ASIP: variants seen among roughly 807,000 people sequenced by gnomAD.
The protein encoded by ASIP is agouti signaling protein, also known as agouti-signaling protein.
ASIP carries 11 observed loss-of-function variants against 10.3 expected under a neutral mutation model. That is an observed-to-expected ratio of 1.07 (90% confidence interval 0.68 to 1.78). The LOEUF (loss-of-function observed/expected upper bound fraction) is 1.78, where lower values mean the gene tolerates loss of function less well. Ranked by LOEUF, ASIP falls within the 40% of genes most tolerant of loss-of-function variation. The pLI is 0.00. For synonymous variants in ASIP, 70 were observed against 70.8 expected, an observed-to-expected ratio of 0.99 and a Z score of 0.06; for missense variants, 180 against 169.2, an observed-to-expected ratio of 1.06 and a Z score of -0.35.
chr20:34,235,854 AAGGAAGGAAGGAAAG>A lies in ASIP; in HGVS notation c.-10-24510_-10-24496del, dbSNP rs2035185065. ...GAAAGAAAGAAAGAAGGAAGGAAGG[AAGGAAGGAAGGAAAG>A]GAAGGAAGGAAGGAAGGAAGGAAGG... On this transcript the variant is annotated intron_variant, in intron 1 of 3. Coordinates refer to the ASIP transcript ENST00000568305. 6.4e-5 allele frequency among the ~76,000 whole-genome samples: 3 copies of A among 47,030 alleles called. No homozygotes were observed. The African/African-American group carries it at 8.8e-4, about 14-fold the overall frequency. The allele number at this position is 47,030 out of a possible 152,430, so 30.9% of individuals were successfully genotyped here.
intron 1 of ASIP, among the ~76,000 whole-genome samples, chr20:34,235,987 A>T (rs13036361): frequency 1.2e-5 from 1 of 86,034 alleles, no homozygotes; most frequent in African/African-American, 2.3e-4. Context: ...GAAGAAGGAA[A>T]GAAGGAAGGA....
In ASIP at chr20:34,262,911, C is replaced by T. The variant is rs2035720037; in HGVS notation, c.222+18C>T. ...CTTCTAAGGTAAGGGCAGGGAAGTT[C>T]TGGGAGTTCTCATTGTTGGGGTGAG... is the stretch of plus-strand genomic sequence containing the variant. On this transcript the variant is annotated intron_variant, in intron 3 of 3. Transcript: ENST00000374954. 3 of 1,613,422 alleles carry T rather than the reference C, an allele frequency of 1.9e-6. No homozygotes were observed. The highest frequency in any genetic ancestry group is 2.2e-5 in the South Asian group (2 of 91,056).
At chr20:34,210,159 C>A (rs1445332371) in intron 1 of ASIP, among the ~76,000 whole-genome samples, 1 of 152,238 alleles carries the variant, frequency 6.6e-6, no homozygotes, top group Non-Finnish European at 1.5e-5. Flanking sequence ...AACTCGGGAC[C>A]TACCAAATGG....
intron 1 of ASIP, among the ~76,000 whole-genome samples, chr20:34,245,544 T>C (rs1036979753): frequency 7.3e-5 from 11 of 151,362 alleles, no homozygotes; most frequent in Non-Finnish European, 1.5e-4. Context: ...TGCGCCACCA[T>C]GCCTGGCTAA....
At chr20:34,209,374 T>C (rs1215401553) in intron 1 of ASIP, among the ~76,000 whole-genome samples, 3 of 152,154 alleles carry the variant, frequency 2.0e-5, no homozygotes, top group Non-Finnish European at 2.9e-5. Context: ...GCTGCCCAAG[T>C]TGTGGCTACT....
upstream of ASIP, among the ~76,000 whole-genome samples, chr20:34,190,932 A>G (rs1411379261): frequency 1.3e-5 from 2 of 152,082 alleles, no homozygotes; most frequent in Non-Finnish European, 2.9e-5. Context: ...TCAGGCTCCT[A>G]TTGAATTGGT....
chr20:34,235,871 AAGGAAGGAAGG>A (rs1568756261), intron 1 of ASIP, among the ~76,000 whole-genome samples: 11 of 20,586 alleles, frequency 5.3e-4, no homozygotes, highest in Non-Finnish European at 1.2e-3. Context: ...GAAGGAAAGG[AAGGAAGGAAGG>A]AAGGAAGGAA....
At position 34,269,249 on chromosome 20, in the gene ASIP, C is replaced by T; in HGVS notation, c.*82C>T. 1 of 1,409,972 alleles carries T rather than the reference C, an allele frequency of 7.1e-7. No homozygotes were observed. Among genetic ancestry groups the T allele is most frequent in the Non-Finnish European group, 9.2e-7 (1 of 1,084,896 alleles). The allele number at this position is 1,409,972 out of a possible 1,614,324, so 87.3% of individuals were successfully genotyped here. A position where few individuals can be genotyped will look rare whatever the true frequency, so the allele number is the denominator to read the frequency against. ...GGGCGGGTGATCCCTAACAGGGCGG[C>T]TTCCCAGGGCTGCAGGCGGGCGGAG... On this transcript the variant is annotated 3_prime_UTR_variant, in exon 4 of 4. Transcript: ENST00000374954.
At chr20:34,253,528 A>C (rs2035518131) in intron 1 of ASIP, among the ~76,000 whole-genome samples, 1 of 151,304 alleles carries the variant, frequency 6.6e-6, no homozygotes, top group Admixed American at 6.6e-5. Flanking sequence ...GCCGGAGTGC[A>C]ATGGCACAAT....
At chr20:34,225,035 TTTTG>T (rs930879079) in intron 1 of ASIP, among the ~76,000 whole-genome samples, 31 of 134,038 alleles carry the variant, frequency 2.3e-4, no homozygotes, top group African/African-American at 6.8e-4. Flanking sequence ...GCACCTTTGT[TTTTG>T]TTTGTTTGTT....
At position 34,241,557 on chromosome 20, in the gene ASIP, G is replaced by A. The variant is rs2035284130; in HGVS notation, c.-11+68G>A. 3 of 982,496 alleles carry A rather than the reference G, an allele frequency of 3.1e-6. No homozygotes were observed. In the South Asian group the frequency reaches 1.4e-4, roughly 46 times the overall value. 60.9% of individuals were successfully genotyped at this position (982,496 alleles called of 1,614,324 possible). A position where few individuals can be genotyped will look rare whatever the true frequency, so the allele number is the denominator to read the frequency against. ...CTGCTGCTACTTTGGAAAGTTGAAA[G>A]GACTTAACAGTTATCCCTCCTTTCT... On this transcript the variant is annotated intron_variant, in intron 1 of 3. Transcript: ENST00000374954.
At chr20:34,193,747 T>C (rs1474200371), upstream of ASIP, among the ~76,000 whole-genome samples, 1 of 152,234 alleles carries the variant, frequency 6.6e-6, no homozygotes, top group Non-Finnish European at 1.5e-5. Flanking sequence ...CCCAGTCTGT[T>C]TTAAAATCCT....
chr20:34,263,508 T>C (rs1388013875), intron 3 of ASIP, among the ~76,000 whole-genome samples: 1 of 152,052 alleles, frequency 6.6e-6, no homozygotes, highest in Non-Finnish European at 1.5e-5. Flanking sequence ...GAGGTTGCAG[T>C]GAGCTTGAGC....
At chr20:34,221,107 G>C (rs1297139811) in intron 1 of ASIP, among the ~76,000 whole-genome samples, 1 of 151,934 alleles carries the variant, frequency 6.6e-6, no homozygotes, top group Non-Finnish European at 1.5e-5. Flanking sequence ...GGCCAGGCGC[G>C]ATGGCTCACG....
intron 1 of ASIP, among the ~76,000 whole-genome samples, chr20:34,216,985 G>A (rs1322093102): frequency 1.3e-5 from 2 of 152,098 alleles, no homozygotes; most frequent in Non-Finnish European, 2.9e-5. Context: ...CTCTCCAGAA[G>A]GGTTTACTTT....
intron 1 of ASIP, among the ~76,000 whole-genome samples, chr20:34,257,058 CTCTT>C (rs201781561): frequency 4.4e-4 from 55 of 124,112 alleles, no homozygotes; most frequent in East Asian, 1.6e-3. Flanking sequence ...CTTTCTCTCT[CTCTT>C]TCTTTCTCTT....
At chr20:34,263,394 G>A (rs1453048843) in intron 3 of ASIP, among the ~76,000 whole-genome samples, 5 of 152,016 alleles carry the variant, frequency 3.3e-5, no homozygotes, top group African/African-American at 4.8e-5. Context: ...GTGAAACCCC[G>A]TCTCTACTAA....
upstream of ASIP, among the ~76,000 whole-genome samples, chr20:34,193,424 T>C (rs2034836456): frequency 6.6e-6 from 1 of 152,042 alleles, no homozygotes; most frequent in South Asian, 2.1e-4. Flanking sequence ...GGCCTTTTTT[T>C]CTTCCATCTT....
At chr20:34,266,208 C>T (rs1349404247) in intron 3 of ASIP, among the ~76,000 whole-genome samples, 20 of 149,700 alleles carry the variant, frequency 1.3e-4, no homozygotes, top group Admixed American at 8.6e-4. Context: ...AAAAATTAGC[C>T]GGAGGTGGTG....
Sources: gnomAD v4.1 joint callset for allele counts (sites outside exome capture counted in the v4.1 genomes callset) on GRCh38, gnomAD v4.1.1 for gene constraint, MANE v1.5 for transcripts, NCBI Gene and HGNC (gene_info 2026-07-23, HGNC 2026-07-21) for gene names.